Variants in GRIK2 observed in about 807,000 individuals in gnomAD.
The protein encoded by GRIK2 is glutamate ionotropic receptor kainate type subunit 2.
A neutral mutation model predicts 100.3 loss-of-function variants in GRIK2; 32 were observed. The observed-to-expected ratio is 0.32, with a 90% CI of 0.24 to 0.43. The LOEUF (loss-of-function observed/expected upper bound fraction) is 0.43, where lower values mean the gene tolerates loss of function less well. Ranked by LOEUF, GRIK2 falls within the 20% of genes least tolerant of loss-of-function variation. The pLI, the probability that GRIK2 is intolerant of heterozygous loss-of-function variation, is 1.00. For missense variants in GRIK2, 843 were observed against 1,114.9 expected, an observed-to-expected ratio of 0.76 and a Z score of 3.47; for synonymous variants, 417 against 389.4, an observed-to-expected ratio of 1.07 and a Z score of -0.83.
chr6:102,000,681 A>T (rs1342442101), intron 14 of GRIK2, among the ~76,000 whole-genome samples: 1 of 152,062 alleles, frequency 6.6e-6, no homozygotes, highest in Admixed American at 6.6e-5. Flanking sequence ...GTTTTTTACA[A>T]TGTTGCCTTA....
intron 10 of GRIK2, among the ~76,000 whole-genome samples, chr6:101,836,719 G>T (rs1783143163): frequency 1.5e-5 from 2 of 135,704 alleles, no homozygotes; most frequent in African/African-American, 5.5e-5. Context: ...AGGCTGGAGT[G>T]CAGTGGTGTG....
chr6:101,963,350 T>C (rs1485917146), intron 14 of GRIK2, among the ~76,000 whole-genome samples: 2 of 125,030 alleles, frequency 1.6e-5, no homozygotes, highest in African/African-American at 6.1e-5. Flanking sequence ...CAGGCTGGAG[T>C]GCAGTGGCAC....
intron 2 of GRIK2, among the ~76,000 whole-genome samples, chr6:101,466,025 T>C (rs1771629064): frequency 6.6e-6 from 1 of 152,122 alleles, no homozygotes; most frequent in Admixed American, 6.5e-5. Flanking sequence ...TTTATTTAAG[T>C]CTTGGCCTCC....
chr6:101,434,488 TA>T (rs1185391212), intron 2 of GRIK2, among the ~76,000 whole-genome samples: 5 of 150,722 alleles, frequency 3.3e-5, no homozygotes, highest in African/African-American at 9.9e-5. Flanking sequence ...CTAATTTGAA[TA>T]TTTTTTTTTT....
intron 3 of GRIK2, among the ~76,000 whole-genome samples, chr6:101,624,526 G>A (rs1047868549): frequency 4.1e-4 from 63 of 152,064 alleles, no homozygotes; most frequent in African/African-American, 1.3e-3. Flanking sequence ...CTTAATTCAC[G>A]TATAATATTA....
intron 14 of GRIK2, among the ~76,000 whole-genome samples, chr6:101,955,609 TC>T (rs1791877748): frequency 8.2e-6 from 1 of 122,420 alleles, no homozygotes; most frequent in Non-Finnish European, 1.8e-5. Flanking sequence ...TCTCTCTCTC[TC>T]TCTCTCCCCC....
intron 7 of GRIK2, among the ~76,000 whole-genome samples, chr6:101,798,894 GT>G (rs1780487464): frequency 2.6e-5 from 4 of 152,054 alleles, no homozygotes; most frequent in Non-Finnish European, 4.4e-5. Flanking sequence ...AAAGTGGTTG[GT>G]CATTTGAGCA....
At chr6:101,790,662 A>G (rs1367745899) in intron 7 of GRIK2, among the ~76,000 whole-genome samples, 1 of 148,658 alleles carries the variant, frequency 6.7e-6, no homozygotes, top group Non-Finnish European at 1.5e-5. Flanking sequence ...ATTGGTCTAA[A>G]ATTCTCTTTT....
chr6:101,783,668 T>A (rs151015829), intron 7 of GRIK2, among the ~76,000 whole-genome samples: 6,984 of 152,272 alleles, frequency 0.046, 189 homozygotes, highest in Non-Finnish European at 0.057. Context: ...GTTGAATGGC[T>A]TTGACCAAAA....
rs552694483 is a variant in GRIK2, at chr6:101,784,729, C to A, written c.952-14919C>A. Among the ~76,000 whole-genome samples the A allele has an allele frequency of 1.1e-3, 170 of 152,232 alleles. 1 individual carries two copies. The highest frequency in any genetic ancestry group is 3.2e-3 in the African/African-American group (134 of 41,540). On this transcript the variant is annotated intron_variant, in intron 7 of 16. Transcript: ENST00000369134. ...TATAAGTGGCAGTTTTCCCTGCTAT[C>A]CCTCTCTCTCTCTCCTGCTACCATG...
chr6:101,542,921 G>A (rs1396504466), intron 2 of GRIK2, among the ~76,000 whole-genome samples: 2 of 152,058 alleles, frequency 1.3e-5, no homozygotes, highest in Non-Finnish European at 2.9e-5. Flanking sequence ...TTGTGTCAAG[G>A]AGGGTAAGAA....
At chr6:101,753,486 A>G (rs1387360001) in intron 7 of GRIK2, among the ~76,000 whole-genome samples, 3 of 152,058 alleles carry the variant, frequency 2.0e-5, no homozygotes, top group Non-Finnish European at 4.4e-5. Context: ...GAGAGTATGA[A>G]GTCTTTGTGG....
chr6:101,422,439 A>G (rs12171555), intron 2 of GRIK2, among the ~76,000 whole-genome samples: 4,009 of 152,244 alleles, frequency 0.026, 195 homozygotes, highest in African/African-American at 0.092. Flanking sequence ...TACACATTAC[A>G]GCACTTAACA....
At chr6:101,633,653 G>A (rs1218882422) in intron 4 of GRIK2, among the ~76,000 whole-genome samples, 1 of 152,022 alleles carries the variant, frequency 6.6e-6, no homozygotes, top group Non-Finnish European at 1.5e-5. Context: ...CTACAATAAA[G>A]TTTAATAAAA....
chr6:102,019,653 C>G (rs1769319600), intron 14 of GRIK2, among the ~76,000 whole-genome samples: 1 of 152,012 alleles, frequency 6.6e-6, no homozygotes, highest in Non-Finnish European at 1.5e-5. Flanking sequence ...CAGTTTATCA[C>G]TTTTCAACCA....
At chr6:101,658,388 C>T (rs1769357702) in intron 4 of GRIK2, among the ~76,000 whole-genome samples, 1 of 152,094 alleles carries the variant, frequency 6.6e-6, no homozygotes, top group Non-Finnish European at 1.5e-5. Context: ...TGAACTCATC[C>T]TTTTTTATGG....
chr6:101,817,810 C>T (rs1050776835), intron 9 of GRIK2, among the ~76,000 whole-genome samples: 1 of 152,172 alleles, frequency 6.6e-6, no homozygotes, highest in Non-Finnish European at 1.5e-5. Context: ...CTTCTCCTTT[C>T]TTGGGAGCAC....
chr6:101,842,850 G>C (rs1241175685), intron 10 of GRIK2, among the ~76,000 whole-genome samples: 1 of 152,104 alleles, frequency 6.6e-6, no homozygotes, highest in East Asian at 1.9e-4. Context: ...TTAGTATTGA[G>C]TTCTTTATTC....
At chr6:101,633,595 C>A (rs918893325) in intron 4 of GRIK2, among the ~76,000 whole-genome samples, 2 of 152,104 alleles carry the variant, frequency 1.3e-5, no homozygotes, top group African/African-American at 2.4e-5. Context: ...AATTATTAAT[C>A]TCACAATTTT....
Sources: gnomAD v4.1 joint callset for allele counts (sites outside exome capture counted in the v4.1 genomes callset) on GRCh38, gnomAD v4.1.1 for gene constraint, MANE v1.5 for transcripts, NCBI Gene and HGNC (gene_info 2026-07-23, HGNC 2026-07-21) for gene names.